The following FBN1 variants were observed in gnomAD, a reference collection of about 807,000 sequenced individuals.
FBN1 encodes fibrillin 1.
A neutral mutation model predicts 365.1 loss-of-function variants in FBN1; 29 were observed. The ratio of observed to expected loss-of-function variants is 0.08; its 90% CI spans 0.06 to 0.11. FBN1 has a LOEUF of 0.11. Among genes scored for constraint, FBN1 ranks in the 10% least tolerant of loss-of-function variants. The pLI, the probability that FBN1 is intolerant of heterozygous loss-of-function variation, is 1.00. For synonymous variants in FBN1, 1,210 were observed against 1,270.5 expected, an observed-to-expected ratio of 0.95 and a Z score of 1.01; for missense variants, 2,476 against 3,703.2, an observed-to-expected ratio of 0.67 and a Z score of 8.60.
At chr15:48,551,551 A>C (rs2044142005) in intron 6 of FBN1, among the ~76,000 whole-genome samples, 1 of 151,470 alleles carries the variant, frequency 6.6e-6, no homozygotes, top group Non-Finnish European at 1.5e-5. Flanking sequence ...CAGGGGTACA[A>C]GCGCAGGTTT....
chr15:48,603,801 C>T (rs1469057809), intron 4 of FBN1, among the ~76,000 whole-genome samples: 1 of 152,150 alleles, frequency 6.6e-6, no homozygotes, highest in Non-Finnish European at 1.5e-5. Context: ...TGCACAGATC[C>T]AGCCATATGC....
At chr15:48,490,109 G>A in intron 24 of FBN1, 31 bp from the exon 25 acceptor site, 4 of 1,593,034 alleles carry the variant, frequency 2.5e-6, no homozygotes, top group Non-Finnish European at 2.6e-6. Flanking sequence ...AGGTTAAATA[G>A]AGCCACACGG....
At chr15:48,435,778 G>GTATATATATGTATATATA (rs1299471206) in intron 53 of FBN1, among the ~76,000 whole-genome samples, 1 of 141,322 alleles carries the variant, frequency 7.1e-6, no homozygotes, top group African/African-American at 2.7e-5. Flanking sequence ...GTATATGTGT[G>GTATATATATGTATATATA]TGTGTGTGTG....
chr15:48,516,688 G>T (rs529199325), intron 10 of FBN1, among the ~76,000 whole-genome samples: 6 of 150,962 alleles, frequency 4.0e-5, no homozygotes, highest in African/African-American at 1.2e-4. Flanking sequence ...GATTCCACAG[G>T]GCTCTACAGA....
At chr15:48,631,439 C>A (rs1252364731) in intron 2 of FBN1, among the ~76,000 whole-genome samples, 1 of 152,148 alleles carries the variant, frequency 6.6e-6, no homozygotes, top group African/African-American at 2.4e-5. Flanking sequence ...AATACTGACG[C>A]TATGGAAAAG....
Position 48,526,235 on chromosome 15 carries a change from T to C in FBN1, c.883A>G (p.Ile295Val). Residue 295 changes from isoleucine (I) to valine (V), a missense_variant, in exon 9 of 66, where the codon ATT becomes GTT. Ile to Val is a conservative substitution (Grantham distance 29). This residue lies in a region of FBN1 where 421 missense variants were observed against 520.1 expected (regional missense o/e 0.81). Coordinates refer to ENST00000316623, the MANE Select transcript of FBN1 (RefSeq NM_000138.5). ...TCACCCCCTTCACAGATTCCAGGAATGGTGCTGCATTCATCAATATCTGGA... is the reference window on the plus strand; with the variant it reads ...TCACCCCCTTCACAGATTCCAGGAACGGTGCTGCATTCATCAATATCTGGA... ...KCEDIDECST[I>V]PGICEGGECT... is the part of the protein sequence containing the mutation. The C allele has an allele frequency of 6.2e-7, 1 of 1,614,136 alleles. No individual in the cohort carries two copies. The highest frequency in any genetic ancestry group is 8.5e-7 in the Non-Finnish European group (1 of 1,179,990).
chr15:48,563,252 G>A (rs1161307762), intron 6 of FBN1, among the ~76,000 whole-genome samples: 1 of 152,178 alleles, frequency 6.6e-6, no homozygotes, highest in Non-Finnish European at 1.5e-5. Context: ...TTGAGAGAGA[G>A]AAAGAGACTT....
chr15:48,499,427 A>G (rs2043636750), intron 17 of FBN1, among the ~76,000 whole-genome samples: 1 of 152,214 alleles, frequency 6.6e-6, no homozygotes, highest in Non-Finnish European at 1.5e-5. Flanking sequence ...TTTGTTTCTC[A>G]GTGCTAGCTG....
chr15:48,460,099 T>C (rs2043269583), intron 43 of FBN1, 147 bp downstream of exon 43: 1 of 694,796 alleles, frequency 1.4e-6, no homozygotes, highest in African/African-American at 1.8e-5. Flanking sequence ...TTGCACAGTT[T>C]GTTTCAAACT....
chr15:48,629,127 T>C (rs573029244), intron 2 of FBN1, among the ~76,000 whole-genome samples: 8 of 152,348 alleles, frequency 5.3e-5, no homozygotes, highest in Admixed American at 2.6e-4. Context: ...ATAAGGAGTT[T>C]AAGCTAGAAT....
At chr15:48,602,597 A>G (rs1320490320) in intron 4 of FBN1, among the ~76,000 whole-genome samples, 3 of 152,210 alleles carry the variant, frequency 2.0e-5, no homozygotes, top group Non-Finnish European at 4.4e-5. Context: ...GCTATTAAAA[A>G]TATTTTTATC....
intron 6 of FBN1, among the ~76,000 whole-genome samples, chr15:48,588,505 A>T (rs2044452802): frequency 6.6e-6 from 1 of 152,204 alleles, no homozygotes; most frequent in Non-Finnish European, 1.5e-5. Flanking sequence ...GCTAAAAAAA[A>T]ATGAAGTTAA....
rs1216294686 is a variant in FBN1 at position 48,495,080 on chromosome 15, A to G, written c.2677+43T>C. The stretch of plus-strand genomic sequence containing the variant: ...CTAGGCTTCCCCTTTTTATGCAAAG[A>G]CCATTGGAGTGGTATAGGAACCACA... On this transcript the variant is annotated intron_variant, in intron 22 of 65. Transcript: ENST00000316623. The G allele has an allele frequency of 1.9e-6, 3 of 1,612,988 alleles. No individual in the cohort carries two copies. The African/African-American group carries it at 4.0e-5, about 22-fold the overall frequency.
At chr15:48,519,841 T>C (rs947263890) in intron 10 of FBN1, among the ~76,000 whole-genome samples, 3 of 152,220 alleles carry the variant, frequency 2.0e-5, no homozygotes, top group African/African-American at 4.8e-5. Context: ...AAGTAGCAAA[T>C]GTTCTTTGCA....
chr15:48,521,071 C>T (rs868813071), intron 9 of FBN1, among the ~76,000 whole-genome samples: 8 of 152,046 alleles, frequency 5.3e-5, no homozygotes, highest in African/African-American at 1.2e-4. Flanking sequence ...AAGGTGGGAA[C>T]GAGTGATTAA....
chr15:48,598,390 A>C (rs1400712828), intron 5 of FBN1, among the ~76,000 whole-genome samples: 1 of 152,234 alleles, frequency 6.6e-6, no homozygotes, highest in African/African-American at 2.4e-5. Context: ...GAGTAACTGA[A>C]AAGATGTAGG....
In FBN1 at chr15:48,452,587, G is replaced by A. The variant is rs2043209397; in HGVS notation, c.5520C>T (p.Arg1840=). Residue 1840 remains arginine (R), a synonymous_variant, in exon 45 of 66, where the codon CGC becomes CGT. Coordinates refer to ENST00000316623, the MANE Select transcript of FBN1 (RefSeq NM_000138.5). ...SYRCDCKPGY[R]FTSTGQCNDR... ...CATTGCACTGTCCTGTGGAGGTGAAGCGGTAGCCGGGCTTACAGTCACAGC... is the reference window on the plus strand; with the variant it reads ...CATTGCACTGTCCTGTGGAGGTGAAACGGTAGCCGGGCTTACAGTCACAGC... 1 of 1,614,146 alleles carries A rather than the reference G, an allele frequency of 6.2e-7. No individual in the cohort carries two copies. The highest frequency in any genetic ancestry group is 8.5e-7 in the Non-Finnish European group (1 of 1,180,004).
intron 2 of FBN1, among the ~76,000 whole-genome samples, chr15:48,617,586 A>G (rs1417765175): frequency 6.6e-6 from 1 of 152,192 alleles, no homozygotes; most frequent in Non-Finnish European, 1.5e-5. Flanking sequence ...CTAAGTCTTT[A>G]TCTGTAACTT....
At chr15:48,590,133 T>C (rs1317506704) in intron 6 of FBN1, among the ~76,000 whole-genome samples, 1 of 152,204 alleles carries the variant, frequency 6.6e-6, no homozygotes, top group African/African-American at 2.4e-5. Flanking sequence ...TTTAAAATTA[T>C]GTAAAATTCG....
Sources: gnomAD v4.1 joint callset for allele counts (sites outside exome capture counted in the v4.1 genomes callset) on GRCh38, gnomAD v4.1.1 for gene constraint, gnomAD v4.1.1 regional missense constraint, MANE v1.5 for transcripts, NCBI Gene and HGNC (gene_info 2026-07-23, HGNC 2026-07-21) for gene names.